Variants in LHCGR observed in about 807,000 individuals in gnomAD.
LHCGR encodes luteinizing hormone/choriogonadotropin receptor, also known as lutropin-choriogonadotropic hormone receptor.
Under a neutral mutation model 60.7 loss-of-function variants are expected in LHCGR, and 55 were observed. The observed-to-expected ratio is 0.91, with a 90% confidence interval of 0.73 to 1.13. The LOEUF (loss-of-function observed/expected upper bound fraction) is 1.13, where lower values mean the gene tolerates loss of function less well. Ranked by LOEUF, LHCGR falls within the 50% of genes most tolerant of loss-of-function variation. The probability of loss-of-function intolerance (pLI) is 0.00; values close to 1 mark genes in which losing one functional copy is unlikely to be tolerated. For synonymous variants in LHCGR, 337 were observed against 316.5 expected (o/e 1.06, Z -0.69); for missense variants, 862 against 836.0 (o/e 1.03, Z -0.38).
At chr2:48,738,299 C>T (rs1037831105) in intron 1 of LHCGR, among the ~76,000 whole-genome samples, 6 of 152,156 alleles carry the variant, frequency 3.9e-5, no homozygotes, top group East Asian at 3.8e-4. Context: ...GTTCTCCCAT[C>T]GAACACCCAG....
At chr2:48,731,731 T>C (rs150570778) in intron 1 of LHCGR, among the ~76,000 whole-genome samples, 140 of 152,274 alleles carry the variant, frequency 9.2e-4, no homozygotes, top group Non-Finnish European at 9.4e-4. Context: ...AGTTAAATAG[T>C]TGTAGAGTGA....
intron 6 of LHCGR, among the ~76,000 whole-genome samples, chr2:48,719,767 G>T (rs577149875): frequency 6.6e-6 from 1 of 152,162 alleles, no homozygotes; most frequent in Non-Finnish European, 1.5e-5. Context: ...GGGCAAGACA[G>T]GTTCTACAAA....
At chr2:48,732,717 G>A in intron 1 of LHCGR, among the ~76,000 whole-genome samples, 1 of 152,150 alleles carries the variant, frequency 6.6e-6, no homozygotes, top group Non-Finnish European at 1.5e-5. Context: ...CTCCTGAGAG[G>A]AAGCATGTCA....
intron 3 of LHCGR, among the ~76,000 whole-genome samples, chr2:48,725,972 A>C (rs1668700853): frequency 6.6e-6 from 1 of 152,100 alleles, no homozygotes; most frequent in Non-Finnish European, 1.5e-5. Context: ...GCTTCTAAAG[A>C]GGTGGGTATA....
At chr2:48,693,265 T>A (rs1174090275) in intron 10 of LHCGR, among the ~76,000 whole-genome samples, 4 of 152,212 alleles carry the variant, frequency 2.6e-5, no homozygotes, top group Non-Finnish European at 5.9e-5. Context: ...GTTGTCGCAT[T>A]GCTTAGCAAC....
Position 48,688,970 on chromosome 2 carries a change from T to C in LHCGR, c.948-121A>G, listed in dbSNP as rs550674124. On this transcript the variant is annotated intron_variant, in intron 10 of 10. Transcript: ENST00000294954. The surrounding 1 kb of genome is among the most constrained non-coding windows in gnomAD (Gnocchi z 5.2). ...AACAAAGCCATAATAGCCTCAGCCT[T>C]ACATTTATTTGTTAAATTATTTGAG... 1 of 852,372 alleles carries C rather than the reference T, an allele frequency of 1.2e-6. No individual in the cohort carries two copies. The highest frequency in any genetic ancestry group is 1.7e-5 in the African/African-American group (1 of 58,772). The allele number at this position is 852,372 out of a possible 1,614,324, so 52.8% of individuals were successfully genotyped here.
At chr2:48,751,814 G>A (rs773558267) in intron 1 of LHCGR, among the ~76,000 whole-genome samples, 2 of 152,136 alleles carry the variant, frequency 1.3e-5, no homozygotes, top group African/African-American at 2.4e-5. Flanking sequence ...AAGGCCTCTG[G>A]ATTATGTCTT....
intron 4 of LHCGR, among the ~76,000 whole-genome samples, chr2:48,724,438 G>T (rs1438333231): frequency 6.6e-6 from 1 of 152,134 alleles, no homozygotes; most frequent in East Asian, 1.9e-4. Flanking sequence ...AATATGAACT[G>T]TCTGTCACCC....
At chr2:48,739,238 G>C (rs1415900613) in intron 1 of LHCGR, among the ~76,000 whole-genome samples, 2 of 152,254 alleles carry the variant, frequency 1.3e-5, no homozygotes, top group Non-Finnish European at 2.9e-5. Context: ...TTCAACCATT[G>C]TGGAAGTCAG....
In LHCGR at chr2:48,755,678, C is replaced by G. The variant is rs1007546922; in HGVS notation, c.-7G>C. On this transcript the variant is annotated 5_prime_UTR_variant, in exon 1 of 11. Transcript: ENST00000294954. ...CCGAGAACCGCTGCTTCATGGCCGGCGAACTGGGCTTCTGCGGCTTGCCAG... is the reference window on the plus strand; with the variant it reads ...CCGAGAACCGCTGCTTCATGGCCGGGGAACTGGGCTTCTGCGGCTTGCCAG... 2.0e-6 allele frequency: 3 copies of G among 1,534,724 alleles called. No individual in the cohort carries two copies. The highest frequency in any genetic ancestry group is 2.6e-6 in the Non-Finnish European group (3 of 1,146,396).
intron 6 of LHCGR, 57 bp from the exon 7 acceptor site, chr2:48,714,111 A>T: frequency 1.6e-6 from 2 of 1,285,596 alleles, no homozygotes; most frequent in East Asian, 2.3e-5. Flanking sequence ...AACAGTTTGG[A>T]AACACATTTT....
chr2:48,711,538 C>G (rs1478338457), intron 7 of LHCGR, among the ~76,000 whole-genome samples: 2 of 152,184 alleles, frequency 1.3e-5, no homozygotes, highest in Admixed American at 1.3e-4. Context: ...ACTAATTGAA[C>G]TTTTCATAGT....
chr2:48,712,993 A>G (rs958571665), intron 7 of LHCGR, among the ~76,000 whole-genome samples: 3 of 152,132 alleles, frequency 2.0e-5, no homozygotes, highest in Admixed American at 1.3e-4. Context: ...ATTGTACAGA[A>G]TTTTGCTACC....
chr2:48,732,841 A>G, intron 1 of LHCGR: 2 of 534,038 alleles, frequency 3.7e-6, no homozygotes, highest in South Asian at 2.8e-5. Flanking sequence ...CTTAGAAATG[A>G]TATAACCTAG....
At chr2:48,705,531 C>CTTCGTAG (rs1257730010) in intron 8 of LHCGR, among the ~76,000 whole-genome samples, 1 of 152,154 alleles carries the variant, frequency 6.6e-6, no homozygotes, top group Non-Finnish European at 1.5e-5. Context: ...GTCTAAGTCT[C>CTTCGTAG]TTCGTAGTTC....
Position 48,687,320 on chromosome 2 carries a change from T to C in LHCGR, c.*377A>G, listed in dbSNP as rs1006535295. The C allele has an allele frequency of 2.2e-5, 4 of 184,828 alleles. No individual in the cohort carries two copies. In the Admixed American group the frequency reaches 2.2e-4, roughly 10 times the overall value. 11.4% of individuals were successfully genotyped at this position (184,828 alleles called of 1,614,324 possible). A position where few individuals can be genotyped will look rare whatever the true frequency, so the allele number is the denominator to read the frequency against. ...AAACTACCTGAGGAAAAAGGCCAGT[T>C]ATTTTAAATTTCTGATCTGTTATGA... On this transcript the variant is annotated 3_prime_UTR_variant, in exon 11 of 11. Transcript: ENST00000294954.
chr2:48,714,184 TCAC>T, intron 6 of LHCGR, 130 bp from the exon 7 acceptor site: 3 of 705,024 alleles, frequency 4.3e-6, no homozygotes, highest in Non-Finnish European at 7.8e-6. Flanking sequence ...TTCTCCATCA[TCAC>T]CACCACCATC....
At position 48,687,253 on chromosome 2, in the gene LHCGR, T is replaced by A. The variant is rs1482355426; in HGVS notation, c.*444A>T. ...TTTTAATTTAGCCACATGTGGCTAG[T>A]GGCTACCGGATTGGACAGTGCATCT... On this transcript the variant is annotated 3_prime_UTR_variant, in exon 11 of 11. Coordinates refer to ENST00000294954, the MANE Select transcript of LHCGR (RefSeq NM_000233.4). The A allele has an allele frequency of 6.2e-6, 1 of 160,074 alleles. No individual in the cohort carries two copies. Among genetic ancestry groups the A allele is most frequent in the Non-Finnish European group, 1.4e-5 (1 of 72,566 alleles). 9.9% of individuals were successfully genotyped at this position (160,074 alleles called of 1,614,324 possible).
chr2:48,707,111 TC>T (rs1159386080), intron 8 of LHCGR, among the ~76,000 whole-genome samples: 1 of 152,236 alleles, frequency 6.6e-6, no homozygotes, highest in Non-Finnish European at 1.5e-5. Context: ...TTGATGCTAT[TC>T]CTTTCTGTTT....
Sources: allele counts gnomAD v4.1 joint callset (sites outside exome capture counted in the v4.1 genomes callset), GRCh38; gene constraint gnomAD v4.1.1; non-coding constraint Gnocchi (gnomAD v3.1); transcripts MANE v1.5; gene names NCBI Gene and HGNC (gene_info 2026-07-23, HGNC 2026-07-21).